The following DGCR8 variants were observed in gnomAD, a reference collection of about 807,000 sequenced individuals.
The protein encoded by DGCR8 is DGCR8 microprocessor complex subunit.
Under a neutral mutation model 78.5 loss-of-function variants are expected in DGCR8, and 14 were observed. That is an observed-to-expected ratio of 0.18 (90% CI 0.12 to 0.28). The LOEUF (loss-of-function observed/expected upper bound fraction) is 0.28, where lower values mean the gene tolerates loss of function less well. Among genes scored for constraint, DGCR8 ranks in the 10% least tolerant of loss-of-function variants. DGCR8 has a pLI of 1.00. For missense variants in DGCR8, 702 were observed against 1,022.5 expected (o/e 0.69, Z 4.28); for synonymous variants, 399 against 402.4 (o/e 0.99, Z 0.10).
intron 9 of DGCR8, among the ~76,000 whole-genome samples, chr22:20,099,578 T>C (rs1393577971): frequency 2.6e-5 from 4 of 152,230 alleles, no homozygotes; most frequent in African/African-American, 4.8e-5. Flanking sequence ...CAACTCCTTG[T>C]TCTTAGCAAG....
Position 20,080,275 on chromosome 22 carries a change from G to T in DGCR8, c.-386G>T. 1.0e-6 allele frequency: 1 copy of T among 980,860 alleles called. No homozygotes were observed. The highest frequency in any genetic ancestry group is 1.2e-6 in the Non-Finnish European group (1 of 827,972). 60.8% of individuals were successfully genotyped at this position (980,860 alleles called of 1,614,324 possible). Reference sequence around the variant, plus strand: ...CCCGGCGCGGCAGGCGGGTGCCGGCGACCGGAGAGCCTGGACAGGCTTTCC... The same window carrying T: ...CCCGGCGCGGCAGGCGGGTGCCGGCTACCGGAGAGCCTGGACAGGCTTTCC... On this transcript the variant is annotated 5_prime_UTR_variant, in exon 1 of 14. Coordinates refer to ENST00000351989, the MANE Select transcript of DGCR8 (RefSeq NM_022720.7).
At position 20,087,382 on chromosome 22, in the gene DGCR8, TAGC is replaced by T. The variant is rs2049499367; in HGVS notation, c.880+64_880+66del. ...GGCAGTGGAGGGGTGGTTGCTTCCT[TAGC>T]AGAAATGCTTTGAGAGAGCTCTGGT... On this transcript the variant is annotated intron_variant, in intron 3 of 13. Transcript: ENST00000351989. The surrounding 1 kb of genome is among the most constrained non-coding windows in gnomAD (Gnocchi z 4.1). 2 of 1,525,466 alleles carry T rather than the reference TAGC, an allele frequency of 1.3e-6. No homozygotes were observed. Among genetic ancestry groups the T allele is most frequent in the Admixed American group, 3.9e-5 (2 of 50,708 alleles). The allele number at this position is 1,525,466 out of a possible 1,614,324, so 94.5% of individuals were successfully genotyped here.
intron 13 of DGCR8, among the ~76,000 whole-genome samples, chr22:20,109,655 G>C (rs1245546673): frequency 2.0e-5 from 3 of 152,230 alleles, no homozygotes; most frequent in Non-Finnish European, 4.4e-5. Flanking sequence ...AAGGGCAGCA[G>C]GTGCAGGACA....
chr22:20,107,257 C>T lies in DGCR8; in HGVS notation c.1997-14C>T, dbSNP rs1351089536. 3.1e-6 allele frequency: 5 copies of T among 1,614,112 alleles called. No homozygotes were observed. Among genetic ancestry groups the T allele is most frequent in the Non-Finnish European group, 3.4e-6 (4 of 1,179,996 alleles). On this transcript the variant is annotated splice_polypyrimidine_tract_variant and intron_variant, in intron 11 of 13. Coordinates refer to ENST00000351989, the MANE Select transcript of DGCR8 (RefSeq NM_022720.7). ...TTGTGACCCCCTCTCCATGCTTGCT[C>T]TTTCTCTGTGTAGGTAAGAACAAGA...
At position 20,091,948 on chromosome 22, in the gene DGCR8, T is replaced by A. The variant is rs749814406; in HGVS notation, c.1584T>A (p.Pro528=). 5.0e-5 allele frequency: 80 copies of A among 1,613,854 alleles called. No homozygotes were observed. Among genetic ancestry groups the A allele is most frequent in the Non-Finnish European group, 6.4e-5 (76 of 1,179,910 alleles). The change falls in exon 7 of 14, where the codon CCT becomes CCA. Residue 528 remains proline, a synonymous_variant. Coordinates refer to ENST00000351989, the MANE Select transcript of DGCR8 (RefSeq NM_022720.7). ...EYMQRVLKVR[P]VYNFFECENP... is the part of the protein sequence containing the mutation. The stretch of plus-strand genomic sequence containing the variant: ...TGCAGCGTGTCCTCAAGGTCCGCCC[T>A]GTCTATAATTTCTTTGAATGTGGTA...
At chr22:20,083,148 C>T (rs1407284421) in intron 1 of DGCR8, among the ~76,000 whole-genome samples, 1 of 152,228 alleles carries the variant, frequency 6.6e-6, no homozygotes, top group Non-Finnish European at 1.5e-5. Flanking sequence ...TCACTCCTGC[C>T]TTCACGTGGA....
chr22:20,098,126 C>CA (rs202130331), intron 9 of DGCR8, among the ~76,000 whole-genome samples: 17,343 of 99,756 alleles, frequency 0.17, 1,432 homozygotes, highest in Middle Eastern at 0.26. Context: ...ACTCCTGTCT[C>CA]AAAAAAAAAA....
chr22:20,094,910 G>A, intron 9 of DGCR8, 115 bp downstream of exon 9: 1 of 839,742 alleles, frequency 1.2e-6, no homozygotes, highest in Admixed American at 2.0e-5. Context: ...ATGCCCTGTA[G>A]GTTAGTCTCA....
intron 8 of DGCR8, 31 bp downstream of exon 8, chr22:20,092,938 G>C: frequency 6.4e-7 from 1 of 1,569,556 alleles, no homozygotes; most frequent in East Asian, 2.3e-5. Context: ...TCAAAGATAC[G>C]TGCTGCCTGC....
At chr22:20,094,226 G>A (rs2049600488) in intron 8 of DGCR8, among the ~76,000 whole-genome samples, 1 of 152,154 alleles carries the variant, frequency 6.6e-6, no homozygotes, top group Admixed American at 6.5e-5. Context: ...CCTTGGCTAT[G>A]GCAACTCCGA....
chr22:20,082,516 C>A (rs2049430252), intron 1 of DGCR8, among the ~76,000 whole-genome samples: 1 of 152,072 alleles, frequency 6.6e-6, no homozygotes, highest in Non-Finnish European at 1.5e-5. Flanking sequence ...TATAGGCGCC[C>A]ACCACCACAC....
chr22:20,091,813 G>T (rs1177645433), intron 6 of DGCR8, 56 bp from the exon 7 acceptor site: 1 of 1,547,800 alleles, frequency 6.5e-7, no homozygotes, highest in Non-Finnish European at 8.9e-7. Flanking sequence ...ACAGGAAGCT[G>T]TGTGCTAGCT....
Position 20,096,448 on chromosome 22 carries a change from C to T in DGCR8, c.1788+1653C>T, listed in dbSNP as rs2049629723. On this transcript the variant is annotated intron_variant, in intron 9 of 13. Transcript: ENST00000351989. ...GAACCATTTAAAACTAGCTGTAAACCTTTTTGGGTAAATGGTTATTTGTAG... is the reference window on the plus strand; with the variant it reads ...GAACCATTTAAAACTAGCTGTAAACTTTTTTGGGTAAATGGTTATTTGTAG... The T allele has an allele frequency of 6.1e-6, 6 of 985,120 alleles. No homozygotes were observed. In the South Asian group the frequency reaches 1.9e-4, roughly 31 times the overall value. 61.0% of individuals were successfully genotyped at this position (985,120 alleles called of 1,614,324 possible). A position where few individuals can be genotyped will look rare whatever the true frequency, so the allele number is the denominator to read the frequency against.
At chr22:20,081,617 C>A in intron 1 of DGCR8, among the ~76,000 whole-genome samples, 1 of 152,194 alleles carries the variant, frequency 6.6e-6, no homozygotes, top group East Asian at 1.9e-4. Flanking sequence ...CTTGTTGTAG[C>A]CCTCTCCTTT....
intron 9 of DGCR8, among the ~76,000 whole-genome samples, chr22:20,097,937 G>A (rs1261162679): frequency 6.7e-6 from 1 of 150,220 alleles, no homozygotes; most frequent in African/African-American, 2.4e-5. Flanking sequence ...GACCATCCTG[G>A]CCAACATGGT....
chr22:20,089,904 C>T lies in DGCR8; in HGVS notation c.1024-72C>T, dbSNP rs967251512. On this transcript the variant is annotated intron_variant, in intron 4 of 13. Coordinates refer to ENST00000351989, the MANE Select transcript of DGCR8 (RefSeq NM_022720.7). This position sits in a 1 kb window ranked among gnomAD's most constrained non-coding sequence, Gnocchi z 4.9. ...CATGGCACCGCAGCCAAGCAGAGGC[C>T]GGTGAAAGGCATCAGAGTTTCAGAC... is the stretch of plus-strand genomic sequence containing the variant. 57 of 1,586,022 alleles carry T rather than the reference C, an allele frequency of 3.6e-5. No homozygotes were observed. Among genetic ancestry groups the T allele is most frequent in the East Asian group, 4.5e-5 (2 of 44,582 alleles).
intron 12 of DGCR8, chr22:20,108,250 ACTTG>A (rs2049792983): frequency 6.6e-6 from 1 of 152,462 alleles, no homozygotes; most frequent in African/African-American, 2.4e-5. Flanking sequence ...TGTAGGTAGC[ACTTG>A]CTTCTGCCCT....
Position 20,086,064 on chromosome 22 carries a change from A to C in DGCR8, c.101A>C (p.Gln34Pro). ...ARPFQALPRE[Q>P]SPPPPLQTSS... is the part of the protein sequence containing the mutation. ...CCCTTCCAAGCGCTGCCCCGTGAGC[A>C]GTCTCCACCACCTCCCCTGCAAACG... Residue 34 changes from glutamine to proline, a missense_variant, in exon 2 of 14, where the codon CAG (glutamine) becomes CCG (proline). By Grantham distance (76) the Gln-to-Pro change is moderately conservative (BLOSUM62 -1). Transcript: ENST00000351989. The surrounding 1 kb of genome is among the most constrained non-coding windows in gnomAD (Gnocchi z 6.4). The C allele has an allele frequency of 1.2e-6, 2 of 1,614,082 alleles. No homozygotes were observed. Among genetic ancestry groups the C allele is most frequent in the Admixed American group, 3.3e-5 (2 of 60,032 alleles).
Position 20,106,293 on chromosome 22 carries a change from G to A in DGCR8, c.1889+16G>A. ...GCCTTAAAAGGTAGGGTAGGGGGGT[G>A]CCTCCCCCCATGAGTCAGGTCGGGG... is the stretch of plus-strand genomic sequence containing the variant. On this transcript the variant is annotated intron_variant, in intron 10 of 13. Transcript: ENST00000351989. The A allele has an allele frequency of 6.3e-7, 1 of 1,598,146 alleles. No individual in the cohort carries two copies.
Sources: gnomAD v4.1 joint callset for allele counts (sites outside exome capture counted in the v4.1 genomes callset) on GRCh38, gnomAD v4.1.1 for gene constraint, Gnocchi (gnomAD v3.1) non-coding constraint, MANE v1.5 for transcripts, NCBI Gene and HGNC (gene_info 2026-07-23, HGNC 2026-07-21) for gene names.